Variants in GDF1 observed in about 807,000 individuals in gnomAD.
The protein encoded by GDF1 is growth differentiation factor 1, also known as embryonic growth/differentiation factor 1.
In GDF1, 8 loss-of-function variants were observed where a neutral mutation model predicts 7.4. That is an observed-to-expected ratio of 1.09 (90% CI 0.64 to 1.96). The LOEUF is 1.96. Ranked by LOEUF, GDF1 falls within the 30% of genes most tolerant of loss-of-function variation. The pLI, the probability that GDF1 is intolerant of heterozygous loss-of-function variation, is 0.00. For missense variants in GDF1, 574 were observed against 551.5 expected, an observed-to-expected ratio of 1.04 and a Z score of -0.41; for synonymous variants, 311 against 276.7, an observed-to-expected ratio of 1.12 and a Z score of -1.23.
At chr19:18,889,487 G>C (rs1485151245) in intron 2 of GDF1, among the ~76,000 whole-genome samples, 1 of 152,110 alleles carries the variant, frequency 6.6e-6, no homozygotes, top group African/African-American at 2.4e-5. Context: ...TGCAATCTTG[G>C]CTCACTGCAG....
chr19:18,868,716 G>T lies in GDF1; in HGVS notation c.1000C>A (p.Leu334Met). The T allele has an allele frequency of 1.3e-6, 2 of 1,545,570 alleles. No individual in the cohort carries two copies. Among genetic ancestry groups the T allele is most frequent in the Admixed American group, 2.0e-5 (1 of 51,174 alleles). ...AGGCGCGCGGGCACGCAGCAGGGCAGGTCGGCGGCTCCCGGGGCGGCCGCG... is the reference window on the plus strand; with the variant it reads ...AGGCGCGCGGGCACGCAGCAGGGCATGTCGGCGGCTCCCGGGGCGGCCGCG... ...MHAAAPGAADLPCCVPARLSP... is the reference protein window; with the variant it reads ...MHAAAPGAADMPCCVPARLSP... The change falls in exon 8 of 8, where the codon CTG (leucine) becomes ATG (methionine). Residue 334 changes from leucine (L) to methionine (M), a missense_variant. Coordinates refer to ENST00000247005, the MANE Select transcript of GDF1 (RefSeq NM_001492.6).
In GDF1 at chr19:18,879,000, C is replaced by G; in HGVS notation, c.-383G>C. The stretch of plus-strand genomic sequence containing the variant: ...TCCCGCAGGTCCTTCAGCTCGTGCA[C>G]CTGGCCTGTCAACACCTTGGCTGCA... On this transcript the variant is annotated 5_prime_UTR_variant, in exon 6 of 8. Transcript: ENST00000247005. The surrounding 1 kb of genome is among the most constrained non-coding windows in gnomAD (Gnocchi z 4.6). 1 of 1,613,802 alleles carries G rather than the reference C, an allele frequency of 6.2e-7. No homozygotes were observed. Among genetic ancestry groups the G allele is most frequent in the Non-Finnish European group, 8.5e-7 (1 of 1,179,854 alleles).
intron 2 of GDF1, among the ~76,000 whole-genome samples, chr19:18,888,519 T>TAA (rs781426705): frequency 0.016 from 959 of 59,018 alleles, 72 homozygotes; most frequent in African/African-American, 0.065. Context: ...CCCTGTCTCT[T>TAA]AAAAAAAAAA....
At chr19:18,893,363 G>C in intron 2 of GDF1, 53 bp downstream of exon 2, 1 of 1,535,194 alleles carries the variant, frequency 6.5e-7, no homozygotes, top group Non-Finnish European at 8.8e-7. Flanking sequence ...CACAAGCCTG[G>C]CGTCTTTGTG....
chr19:18,895,844 C>G lies in GDF1; in HGVS notation c.-1094G>C. 7.7e-7 allele frequency: 1 copy of G among 1,295,964 alleles called. No individual in the cohort carries two copies. The highest frequency in any genetic ancestry group is 2.0e-5 in the South Asian group (1 of 51,204). 80.3% of individuals were successfully genotyped at this position (1,295,964 alleles called of 1,614,324 possible). On this transcript the variant is annotated 5_prime_UTR_variant, in exon 1 of 8. Transcript: ENST00000247005. The surrounding 1 kb of genome is among the most constrained non-coding windows in gnomAD (Gnocchi z 6.4). ...CTGACCCGAAAGAGGCGCGCAGTGGCCGCGGAGCGCAGGGCGGTCCAGCCC... is the reference window on the plus strand; with the variant it reads ...CTGACCCGAAAGAGGCGCGCAGTGGGCGCGGAGCGCAGGGCGGTCCAGCCC...
rs1406518214 is a variant in GDF1, at chr19:18,895,105, C to T, written c.-1074+719G>A. Among the ~76,000 whole-genome samples, 6 of 152,260 alleles carry T rather than the reference C, an allele frequency of 3.9e-5. No homozygotes were observed. The highest frequency in any genetic ancestry group is 8.8e-5 in the Non-Finnish European group (6 of 68,040). The stretch of plus-strand genomic sequence containing the variant: ...GCCTCTTGGAGGCAGCACAGTCCAA[C>T]CCTGAAGCCCCGGGCCATGTCACCT... On this transcript the variant is annotated intron_variant, in intron 1 of 7. Coordinates refer to ENST00000247005, the MANE Select transcript of GDF1 (RefSeq NM_001492.6). The surrounding 1 kb of genome is among the most constrained non-coding windows in gnomAD (Gnocchi z 6.4).
chr19:18,891,608 C>T lies in GDF1; in HGVS notation c.-914+1808G>A, dbSNP rs762697193. 4.6e-5 allele frequency among the ~76,000 whole-genome samples: 7 copies of T among 152,124 alleles called. No individual in the cohort carries two copies. In the East Asian group the frequency reaches 7.7e-4, roughly 17 times the overall value. Reference sequence around the variant, plus strand: ...CACCCCCAACCCCCAGGCAGGGTCTCGCTCTGTTGCCCAGGCTGGAGTGCA... The same window carrying T: ...CACCCCCAACCCCCAGGCAGGGTCTTGCTCTGTTGCCCAGGCTGGAGTGCA... On this transcript the variant is annotated intron_variant, in intron 2 of 7. Transcript: ENST00000247005.
rs918114133 is a variant in GDF1 at position 18,895,909 on chromosome 19, A to T, written c.-1159T>A. ...CAGCAGCAGCAGCTCGGGCGGCGCC[A>T]GGTGCGCGTGCTCAGCCAGGCCGCG... On this transcript the variant is annotated 5_prime_UTR_variant, in exon 1 of 8. Coordinates refer to ENST00000247005, the MANE Select transcript of GDF1 (RefSeq NM_001492.6). The surrounding 1 kb of genome is among the most constrained non-coding windows in gnomAD (Gnocchi z 6.4). The T allele has an allele frequency of 2.4e-4, 306 of 1,249,826 alleles. No individual in the cohort carries two copies. The highest frequency in any genetic ancestry group is 3.0e-4 in the Non-Finnish European group (302 of 995,868). 77.4% of individuals were successfully genotyped at this position (1,249,826 alleles called of 1,614,324 possible).
Position 18,895,384 on chromosome 19 carries a change from G to A in GDF1, c.-1074+440C>T, listed in dbSNP as rs544463482. Reference sequence around the variant, plus strand: ...AGGCCGCGGTGCGCCGAGCCCTCCCGTTCCCGGTCCTGGGCTTCTCAGTGT... The same window carrying A: ...AGGCCGCGGTGCGCCGAGCCCTCCCATTCCCGGTCCTGGGCTTCTCAGTGT... On this transcript the variant is annotated intron_variant, in intron 1 of 7. Coordinates refer to ENST00000247005, the MANE Select transcript of GDF1 (RefSeq NM_001492.6). This position sits in a 1 kb window ranked among gnomAD's most constrained non-coding sequence, Gnocchi z 6.4. 1.3e-5 allele frequency among the ~76,000 whole-genome samples: 2 copies of A among 152,146 alleles called. No homozygotes were observed. Among genetic ancestry groups the A allele is most frequent in the African/African-American group, 4.8e-5 (2 of 41,454 alleles).
At chr19:18,876,161 T>C (rs28820667) in intron 6 of GDF1, among the ~76,000 whole-genome samples, 9,796 of 152,114 alleles carry the variant, frequency 0.064, 759 homozygotes, top group African/African-American at 0.19. Flanking sequence ...ATTTTTCGTA[T>C]TTTTAGTAGA....
Position 18,895,802 on chromosome 19 carries a change from C to T in GDF1, c.-1074+22G>A, listed in dbSNP as rs1601197063. On this transcript the variant is annotated intron_variant, in intron 1 of 7. Coordinates refer to ENST00000247005, the MANE Select transcript of GDF1 (RefSeq NM_001492.6). This position sits in a 1 kb window ranked among gnomAD's most constrained non-coding sequence, Gnocchi z 6.4. ...TTCCCCCAGTCCGGGGTCCCCTCGT[C>T]CCGGCCCCCGGCCACACTGACCCGA... is the stretch of plus-strand genomic sequence containing the variant. 4.4e-5 allele frequency: 54 copies of T among 1,216,234 alleles called. No homozygotes were observed. Among genetic ancestry groups the T allele is most frequent in the Non-Finnish European group, 5.6e-5 (54 of 967,278 alleles). The allele number at this position is 1,216,234 out of a possible 1,614,324, so 75.3% of individuals were successfully genotyped here.
Position 18,891,585 on chromosome 19 carries a change from C to A in GDF1, c.-914+1831G>T, listed in dbSNP as rs535510620. Among the ~76,000 whole-genome samples, 18 of 152,150 alleles carry A rather than the reference C, an allele frequency of 1.2e-4. No individual in the cohort carries two copies. The Middle Eastern group carries it at 0.02, about 173-fold the overall frequency. On this transcript the variant is annotated intron_variant, in intron 2 of 7. Coordinates refer to ENST00000247005, the MANE Select transcript of GDF1 (RefSeq NM_001492.6). Reference sequence around the variant, plus strand: ...ACTTCTTATCATCTTCCCCTCCACACCCCCAACCCCCAGGCAGGGTCTCGC... The same window carrying A: ...ACTTCTTATCATCTTCCCCTCCACAACCCCAACCCCCAGGCAGGGTCTCGC...
At chr19:18,877,756 C>A (rs77909442) in intron 6 of GDF1, among the ~76,000 whole-genome samples, 808 of 103,888 alleles carry the variant, frequency 7.8e-3, no homozygotes, top group Middle Eastern at 0.01. Context: ...GACCCTGTCT[C>A]AAAAAAAAAA....
intron 2 of GDF1, among the ~76,000 whole-genome samples, chr19:18,884,760 C>T (rs1376175153): frequency 8.4e-6 from 1 of 118,594 alleles, no homozygotes; most frequent in Non-Finnish European, 1.6e-5. Flanking sequence ...TGTCACCAGA[C>T]TGGAGTGCAG....
Position 18,879,028 on chromosome 19 carries a change from C to A in GDF1, c.-411G>T. 1 of 1,613,632 alleles carries A rather than the reference C, an allele frequency of 6.2e-7. No individual in the cohort carries two copies. Among genetic ancestry groups the A allele is most frequent in the South Asian group, 1.1e-5 (1 of 91,086 alleles). On this transcript the variant is annotated 5_prime_UTR_variant, in exon 6 of 8. Coordinates refer to ENST00000247005, the MANE Select transcript of GDF1 (RefSeq NM_001492.6). ...GGCCTGTCAACACCTTGGCTGCAAA[C>A]GCCACGATGTACTGCGAGAGGGGAG...
chr19:18,885,993 C>A (rs1228873597), intron 2 of GDF1, among the ~76,000 whole-genome samples: 5 of 152,196 alleles, frequency 3.3e-5, no homozygotes, highest in Non-Finnish European at 7.3e-5. Context: ...CCTCCTCCTG[C>A]CTCCTGGTGC....
rs769645602 is a variant in GDF1, at chr19:18,895,282, C to A, written c.-1074+542G>T. ...CGGGCAAGCCGGCCCCGCCGCCGCA[C>A]GGACCCAGCAGAAAACGGGCAGCGG... is the stretch of plus-strand genomic sequence containing the variant. On this transcript the variant is annotated intron_variant, in intron 1 of 7. Transcript: ENST00000247005. The surrounding 1 kb of genome is among the most constrained non-coding windows in gnomAD (Gnocchi z 6.4). Among the ~76,000 whole-genome samples, 237 of 152,302 alleles carry A rather than the reference C, an allele frequency of 1.6e-3. 1 individual carries two copies. The highest frequency in any genetic ancestry group is 3.4e-3 in the Middle Eastern group (1 of 294).
intron 3 of GDF1, among the ~76,000 whole-genome samples, chr19:18,882,318 G>A (rs1206856644): frequency 6.6e-6 from 1 of 152,084 alleles, no homozygotes; most frequent in African/African-American, 2.4e-5. Flanking sequence ...CTGAGGAATG[G>A]AATAGGGGCT....
rs966648207 is a variant in GDF1, at chr19:18,869,167, G to A, written c.549C>T (p.Leu183=). ...GCCCCAGGGCGGGCACCAACTGGCG[G>A]AGCAGCACCGGCCCGGGGTCCGCGC... ...GAGADPGPVL[L]RQLVPALGPP... Residue 183 remains leucine, a synonymous_variant, in exon 8 of 8, where the codon CTC becomes CTT. Transcript: ENST00000247005. 2.6e-6 allele frequency: 3 copies of A among 1,146,760 alleles called. No individual in the cohort carries two copies. Among genetic ancestry groups the A allele is most frequent in the African/African-American group, 1.7e-5 (1 of 60,208 alleles). The allele number at this position is 1,146,760 out of a possible 1,614,324, so 71.0% of individuals were successfully genotyped here. A position where few individuals can be genotyped will look rare whatever the true frequency, so the allele number is the denominator to read the frequency against.
Sources: allele counts gnomAD v4.1 joint callset (sites outside exome capture counted in the v4.1 genomes callset), GRCh38; gene constraint gnomAD v4.1.1; non-coding constraint Gnocchi (gnomAD v3.1); transcripts MANE v1.5; gene names NCBI Gene and HGNC (gene_info 2026-07-23, HGNC 2026-07-21).